LGMN: variants seen among roughly 807,000 people sequenced by gnomAD.
LGMN encodes legumain.
A neutral mutation model predicts 56.8 loss-of-function variants in LGMN; 36 were observed. The observed-to-expected ratio is 0.63, with a 90% CI of 0.49 to 0.84. The LOEUF (loss-of-function observed/expected upper bound fraction) is 0.84. Among genes scored for constraint, LGMN ranks in the 40% least tolerant of loss-of-function variants. LGMN has a pLI of 0.00. For missense variants in LGMN, 446 were observed against 556.1 expected, an observed-to-expected ratio of 0.80 and a Z score of 1.99; for synonymous variants, 199 against 210.1, an observed-to-expected ratio of 0.95 and a Z score of 0.46.
intron 8 of LGMN, 23 bp downstream of exon 8, chr14:92,712,782 A>C: frequency 1.2e-6 from 2 of 1,611,270 alleles, no homozygotes; most frequent in Non-Finnish European, 1.7e-6. Flanking sequence ...GCCCAGGTCG[A>C]GGCCGGCGCC....
At chr14:92,732,322 C>T (rs952151162) in intron 2 of LGMN, 9 of 271,806 alleles carry the variant, frequency 3.3e-5, no homozygotes, top group South Asian at 9.1e-5. Flanking sequence ...ATGCACAAGA[C>T]GGCCCCCAAC....
Position 92,704,711 on chromosome 14 carries a change from G to A in LGMN, c.1192-4C>T. On this transcript the variant is annotated splice_region_variant and splice_polypyrimidine_tract_variant and intron_variant, in intron 12 of 13. Coordinates refer to ENST00000334869, the MANE Select transcript of LGMN (RefSeq NM_005606.7). ...AATGTCTCAACGCATACTCGTACTG[G>A]GAGAAAACAAACGAGAAGAATGAAA... is the stretch of plus-strand genomic sequence containing the variant. 1.2e-6 allele frequency: 2 copies of A among 1,611,348 alleles called. No individual in the cohort carries two copies. Among genetic ancestry groups the A allele is most frequent in the Non-Finnish European group, 1.7e-6 (2 of 1,177,466 alleles).
intron 1 of LGMN, among the ~76,000 whole-genome samples, chr14:92,744,158 GAAAAAA>G (rs1047926104): frequency 7.2e-6 from 1 of 138,404 alleles, no homozygotes; most frequent in African/African-American, 2.7e-5. Flanking sequence ...TCTCCAAAAA[GAAAAAA>G]AAAAAGAAAA....
At chr14:92,736,605 A>G (rs1891320419) in intron 1 of LGMN, among the ~76,000 whole-genome samples, 1 of 152,186 alleles carries the variant, frequency 6.6e-6, no homozygotes, top group Non-Finnish European at 1.5e-5. Flanking sequence ...TAAATAAATA[A>G]ATAAAATAAA....
chr14:92,742,418 C>T (rs1016284974), intron 1 of LGMN, among the ~76,000 whole-genome samples: 4 of 151,492 alleles, frequency 2.6e-5, no homozygotes, highest in Admixed American at 2.0e-4. Flanking sequence ...ATGCGTCAGC[C>T]TCCAGAGTAG....
At chr14:92,726,834 G>A (rs967524357) in intron 2 of LGMN, among the ~76,000 whole-genome samples, 17 of 152,092 alleles carry the variant, frequency 1.1e-4, no homozygotes, top group African/African-American at 3.6e-4. Flanking sequence ...GGTCACAAGT[G>A]GTCAGGAGCT....
rs370999611 is a variant in LGMN, at chr14:92,711,642, C to A, written c.819+17G>T. On this transcript the variant is annotated intron_variant, in intron 10 of 13. Transcript: ENST00000334869. ...ACACAAGGAACAGAGGGCCAGCACG[C>A]GAGGCTCCCGACTCACTTTGTTTCC... 6.2e-7 allele frequency: 1 copy of A among 1,611,136 alleles called. No individual in the cohort carries two copies. Among genetic ancestry groups the A allele is most frequent in the African/African-American group, 1.3e-5 (1 of 74,860 alleles).
intron 2 of LGMN, among the ~76,000 whole-genome samples, chr14:92,726,584 A>T (rs936424098): frequency 6.6e-6 from 1 of 152,124 alleles, no homozygotes; most frequent in African/African-American, 2.4e-5. Context: ...CGCCTGTCCA[A>T]CCCTTTATCT....
chr14:92,746,328 A>T (rs1891818826), intron 1 of LGMN, among the ~76,000 whole-genome samples: 1 of 152,224 alleles, frequency 6.6e-6, no homozygotes, highest in Non-Finnish European at 1.5e-5. Context: ...ATAAACTGGG[A>T]TTCCAATTAT....
At chr14:92,718,391 T>C (rs1266501010) in intron 3 of LGMN, among the ~76,000 whole-genome samples, 1 of 152,076 alleles carries the variant, frequency 6.6e-6, no homozygotes, top group Non-Finnish European at 1.5e-5. Context: ...CTGGCCAACA[T>C]GGTGAAATCC....
At chr14:92,735,902 T>C (rs780597274) in intron 1 of LGMN, among the ~76,000 whole-genome samples, 5 of 152,056 alleles carry the variant, frequency 3.3e-5, no homozygotes, top group Non-Finnish European at 7.4e-5. Context: ...TCTGTTCATG[T>C]GCACCTGAGG....
In LGMN at chr14:92,723,287, C is replaced by A. The variant is rs556254736; in HGVS notation, c.139-4443G>T. Among the ~76,000 whole-genome samples, 8 of 152,178 alleles carry A rather than the reference C, an allele frequency of 5.3e-5. No homozygotes were observed. The East Asian group carries it at 1.5e-3, about 29-fold the overall frequency. On this transcript the variant is annotated intron_variant, in intron 2 of 13. Transcript: ENST00000334869. ...GTCTCAAACTCCTGACCTCGTGATA[C>A]ACCTGCCTTGGCCTCCCAAAGTGCT...
intron 2 of LGMN, among the ~76,000 whole-genome samples, chr14:92,719,602 T>C (rs1890355034): frequency 6.6e-6 from 1 of 152,346 alleles, no homozygotes; most frequent in Non-Finnish European, 1.5e-5. Context: ...GTACTTTGTC[T>C]GCCAAAGACA....
At chr14:92,729,032 G>A (rs578137939) in intron 2 of LGMN, among the ~76,000 whole-genome samples, 10 of 152,006 alleles carry the variant, frequency 6.6e-5, no homozygotes, top group African/African-American at 2.2e-4. Context: ...CCAGCACCCT[G>A]AACGGCATCT....
At chr14:92,744,526 A>C (rs1891725255) in intron 1 of LGMN, among the ~76,000 whole-genome samples, 1 of 152,118 alleles carries the variant, frequency 6.6e-6, no homozygotes, top group Non-Finnish European at 1.5e-5. Flanking sequence ...TAAAATCCTT[A>C]ACACATGTTC....
intron 12 of LGMN, 147 bp downstream of exon 12, chr14:92,706,336 G>T: frequency 1.6e-6 from 1 of 616,070 alleles, no homozygotes; most frequent in Non-Finnish European, 2.6e-6. Context: ...TAGTGAATTT[G>T]GACAACCTTC....
intron 2 of LGMN, among the ~76,000 whole-genome samples, chr14:92,722,684 A>G (rs1371870263): frequency 6.6e-6 from 1 of 152,244 alleles, no homozygotes; most frequent in Non-Finnish European, 1.5e-5. Flanking sequence ...GACAAGCAAC[A>G]GACTATGAGA....
intron 1 of LGMN, among the ~76,000 whole-genome samples, chr14:92,743,833 C>T (rs1891689430): frequency 1.3e-5 from 2 of 150,500 alleles, no homozygotes; most frequent in African/African-American, 2.5e-5. Context: ...TCGTTATCAT[C>T]ATCATCATCC....
intron 2 of LGMN, among the ~76,000 whole-genome samples, chr14:92,724,643 GA>G (rs969050549): frequency 1.3e-5 from 2 of 152,212 alleles, no homozygotes; most frequent in Non-Finnish European, 2.9e-5. Flanking sequence ...AGACTTCTAA[GA>G]GGCGCAGAGC....
Sources: allele counts gnomAD v4.1 joint callset (sites outside exome capture counted in the v4.1 genomes callset), GRCh38; gene constraint gnomAD v4.1.1; transcripts MANE v1.5; gene names NCBI Gene and HGNC (gene_info 2026-07-23, HGNC 2026-07-21).